The following CDH13 variants were observed in gnomAD, a reference collection of about 807,000 sequenced individuals.
CDH13 encodes cadherin-13.
Under a neutral mutation model 63.8 loss-of-function variants are expected in CDH13, and 24 were observed. That is an observed-to-expected ratio of 0.38 (90% CI 0.27 to 0.53). CDH13 has a LOEUF of 0.53. Ranked by LOEUF, CDH13 falls within the 20% of genes least tolerant of loss-of-function variation. The probability of loss-of-function intolerance (pLI) is 0.85; values close to 1 mark genes in which losing one functional copy is unlikely to be tolerated. For missense variants in CDH13, 1,049 were observed against 903.1 expected (o/e 1.16, Z -2.07); for synonymous variants, 503 against 355.3 (o/e 1.42, Z -4.67).
chr16:83,014,641 G>A (rs2151441241), intron 2 of CDH13, among the ~76,000 whole-genome samples: 1 of 148,946 alleles, frequency 6.7e-6, no homozygotes, highest in East Asian at 2.0e-4. Context: ...TGAGGCAGGA[G>A]AATTGCTTGA....
intron 6 of CDH13, among the ~76,000 whole-genome samples, chr16:83,402,898 A>G (rs1047852247): frequency 1.3e-5 from 2 of 152,172 alleles, no homozygotes; most frequent in African/African-American, 4.8e-5. Flanking sequence ...TATGGAATCA[A>G]ATTTTTAAAT....
At chr16:82,943,978 T>C (rs1462559588) in intron 2 of CDH13, among the ~76,000 whole-genome samples, 3 of 152,198 alleles carry the variant, frequency 2.0e-5, no homozygotes, top group Admixed American at 6.5e-5. Context: ...CTTATTCAGG[T>C]CTGGCTTCCA....
At chr16:83,317,991 G>T (rs557759043) in intron 5 of CDH13, among the ~76,000 whole-genome samples, 1 of 152,102 alleles carries the variant, frequency 6.6e-6, no homozygotes, top group East Asian at 1.9e-4. Context: ...CTTAGATTTG[G>T]CTTGTAGAGT....
intron 7 of CDH13, among the ~76,000 whole-genome samples, chr16:83,599,901 G>A (rs1907618532): frequency 6.6e-6 from 1 of 152,138 alleles, no homozygotes; most frequent in Non-Finnish European, 1.5e-5. Flanking sequence ...CATGTTCAGA[G>A]ACACTCGGGA....
At chr16:83,718,987 T>C (rs532852534) in intron 10 of CDH13, among the ~76,000 whole-genome samples, 1 of 152,326 alleles carries the variant, frequency 6.6e-6, no homozygotes, top group South Asian at 2.1e-4. Flanking sequence ...TGGTGCAAGT[T>C]CTCTGGCAAA....
intron 7 of CDH13, among the ~76,000 whole-genome samples, chr16:83,502,833 A>T (rs2074312169): frequency 6.6e-6 from 1 of 152,176 alleles, no homozygotes; most frequent in African/African-American, 2.4e-5. Flanking sequence ...GTTCTAACAG[A>T]GGCACAGTCC....
chr16:83,577,470 C>G (rs547467078), intron 7 of CDH13, among the ~76,000 whole-genome samples: 1 of 152,358 alleles, frequency 6.6e-6, no homozygotes, highest in Non-Finnish European at 1.5e-5. Context: ...TGCACACTGA[C>G]ATTTAAAGAG....
At chr16:83,397,447 G>T (rs1210606445) in intron 6 of CDH13, 1 of 152,202 alleles carries the variant, frequency 6.6e-6, no homozygotes. Context: ...CCTCTGCTCT[G>T]TTGTGACTTT....
At chr16:83,584,109 C>G (rs1463026054) in intron 7 of CDH13, among the ~76,000 whole-genome samples, 3 of 152,112 alleles carry the variant, frequency 2.0e-5, no homozygotes, top group Non-Finnish European at 4.4e-5. Flanking sequence ...ATGGGCGGAT[C>G]ACGAGGTCAG....
chr16:83,048,938 C>G (rs973931126), intron 3 of CDH13, among the ~76,000 whole-genome samples: 1 of 152,054 alleles, frequency 6.6e-6, no homozygotes, highest in African/African-American at 2.4e-5. Flanking sequence ...AAGTTCATAC[C>G]TTAATACTCC....
intron 1 of CDH13, among the ~76,000 whole-genome samples, chr16:82,854,386 G>A (rs1170210299): frequency 1.8e-5 from 2 of 111,930 alleles, no homozygotes; most frequent in African/African-American, 6.6e-5. Context: ...GGGTGACAGA[G>A]CAAGGCTCTG....
intron 7 of CDH13, among the ~76,000 whole-genome samples, chr16:83,491,315 A>G (rs753385237): frequency 5.9e-5 from 9 of 152,214 alleles, no homozygotes; most frequent in Non-Finnish European, 8.8e-5. Flanking sequence ...AAATGAAATT[A>G]GGTTCATTTG....
chr16:83,055,366 C>T (rs1423381926), intron 3 of CDH13, among the ~76,000 whole-genome samples: 1 of 148,942 alleles, frequency 6.7e-6, no homozygotes, highest in Non-Finnish European at 1.5e-5. Context: ...TCAATAGTCC[C>T]TAGTAAGGGT....
intron 7 of CDH13, among the ~76,000 whole-genome samples, chr16:83,530,564 A>G (rs1007152013): frequency 1.3e-5 from 2 of 151,966 alleles, no homozygotes; most frequent in Non-Finnish European, 1.5e-5. Context: ...CTGTGAGTCT[A>G]CTCCTTCTAT....
chr16:83,754,391 T>C (rs1913333629), intron 11 of CDH13, among the ~76,000 whole-genome samples: 1 of 152,062 alleles, frequency 6.6e-6, no homozygotes, highest in Admixed American at 6.6e-5. Context: ...GCAACAGGAG[T>C]AAGCCAGAAG....
intron 8 of CDH13, among the ~76,000 whole-genome samples, chr16:83,649,223 C>T (rs1176183606): frequency 6.6e-6 from 1 of 152,230 alleles, no homozygotes; most frequent in Non-Finnish European, 1.5e-5. Context: ...CCCTTGGCAC[C>T]TGTTCAATCA....
chr16:83,628,304 C>G (rs1175221339), intron 8 of CDH13, among the ~76,000 whole-genome samples: 1 of 152,144 alleles, frequency 6.6e-6, no homozygotes, highest in Non-Finnish European at 1.5e-5. Context: ...AGCAGGGTTT[C>G]CCCTTGTTGC....
chr16:83,604,654 G>A (rs1377675463), intron 8 of CDH13, among the ~76,000 whole-genome samples: 1 of 152,036 alleles, frequency 6.6e-6, no homozygotes, highest in Non-Finnish European at 1.5e-5. Context: ...GGTGTTTCAT[G>A]GAATGTTCAC....
chr16:82,858,624 T>G, intron 2 of CDH13, 151 bp downstream of exon 2: 1 of 696,116 alleles, frequency 1.4e-6, no homozygotes, highest in Non-Finnish European at 2.6e-6. Flanking sequence ...GTGGAAATTC[T>G]TGAATGAGGG....
Sources: gnomAD v4.1 joint callset for allele counts (sites outside exome capture counted in the v4.1 genomes callset) on GRCh38, gnomAD v4.1.1 for gene constraint, MANE v1.5 for transcripts, NCBI Gene and HGNC (gene_info 2026-07-23, HGNC 2026-07-21) for gene names.